SMYD4: variants seen among roughly 807,000 people sequenced by gnomAD.
SMYD4 encodes the protein protein-lysine N-methyltransferase SMYD4.
SMYD4 carries 68 observed loss-of-function variants against 72.8 expected under a neutral mutation model. That is an observed-to-expected ratio of 0.93 (90% CI 0.77 to 1.14). The LOEUF is 1.14. Among genes scored for constraint, SMYD4 ranks in the 50% most tolerant of loss-of-function variants. SMYD4 has a pLI of 0.00. For synonymous variants in SMYD4, 407 were observed against 388.6 expected (o/e 1.05, Z -0.56); for missense variants, 984 against 1,003.7 (o/e 0.98, Z 0.27).
intron 2 of SMYD4, chr17:1,814,908 A>G (rs981270936): frequency 7.9e-5 from 12 of 152,210 alleles, no homozygotes; most frequent in African/African-American, 2.9e-4. Flanking sequence ...GCAATACCCT[A>G]TGCCTGTCTG....
chr17:1,827,887 G>C lies in SMYD4; in HGVS notation c.108C>G (p.Ile36Met). 6.2e-7 allele frequency: 1 copy of C among 1,609,458 alleles called. No homozygotes were observed. The highest frequency in any genetic ancestry group is 8.5e-7 in the Non-Finnish European group (1 of 1,176,056). ...GAAGAAGTGAAGAGGAGTGAAGAAAGATATCCCTCAAGGTCTCTGCTGTAG... is the reference window on the plus strand; with the variant it reads ...GAAGAAGTGAAGAGGAGTGAAGAAACATATCCCTCAAGGTCTCTGCTGTAG... ...TISTAETLRD[I>M]FLHSSSLLQP... is the part of the protein sequence containing the mutation. The change falls in exon 2 of 11, where the codon ATC becomes ATG. Residue 36 changes from isoleucine to methionine, a missense_variant. Ile to Met is a conservative substitution (Grantham distance 10). Coordinates refer to ENST00000305513, the MANE Select transcript of SMYD4 (RefSeq NM_052928.3).
chr17:1,800,293 T>A lies in SMYD4; in HGVS notation c.1101A>T (p.Ile367=), dbSNP rs762568867. 7 of 1,614,150 alleles carry A rather than the reference T, an allele frequency of 4.3e-6. No individual in the cohort carries two copies. Among genetic ancestry groups the A allele is most frequent in the Non-Finnish European group, 5.9e-6 (7 of 1,180,032 alleles). Residue 367 remains isoleucine (I), a synonymous_variant, in exon 5 of 11, where the codon ATA becomes ATT. Coordinates refer to ENST00000305513, the MANE Select transcript of SMYD4 (RefSeq NM_052928.3). ...LVGFEDVRKI[I]TKLCDKISNK... is the part of the protein sequence containing the mutation. ...TACTAATCTTATCACAAAGCTTCGT[T>A]ATGATTTTGCGAACATCCTCAAATC...
In SMYD4 at chr17:1,800,632, G is replaced by A. The variant is rs745481620; in HGVS notation, c.762C>T (p.Leu254=). The change falls in exon 5 of 11, where the codon CTC becomes CTT. Residue 254 remains leucine (L), a synonymous_variant. Transcript: ENST00000305513. ...GRCLVATKDI[L]PGELLVQEDA... is the part of the protein sequence containing the mutation. Reference sequence around the variant, plus strand: ...CCTCCTGCACCAGGAGCTCTCCTGGGAGAATATCTTTTGTGGCAACGAGAC... The same window carrying A: ...CCTCCTGCACCAGGAGCTCTCCTGGAAGAATATCTTTTGTGGCAACGAGAC... 2 of 1,614,174 alleles carry A rather than the reference G, an allele frequency of 1.2e-6. No individual in the cohort carries two copies. Among genetic ancestry groups the A allele is most frequent in the South Asian group, 1.1e-5 (1 of 91,080 alleles).
At chr17:1,794,628 GACTC>G (rs1054730264) in intron 5 of SMYD4, among the ~76,000 whole-genome samples, 12 of 151,660 alleles carry the variant, frequency 7.9e-5, no homozygotes, top group African/African-American at 2.9e-4. Context: ...ATTTGAAAAA[GACTC>G]TAATCCTTTT....
chr17:1,780,516 C>CT lies in SMYD4; in HGVS notation c.*769dup, dbSNP rs1908305890. 3.3e-5 allele frequency: 5 copies of CT among 152,316 alleles called. No homozygotes were observed. Among genetic ancestry groups the CT allele is most frequent in the African/African-American group, 1.2e-4 (5 of 41,560 alleles). The allele number at this position is 152,316 out of a possible 1,614,324, so 9.4% of individuals were successfully genotyped here. On this transcript the variant is annotated 3_prime_UTR_variant, in exon 11 of 11. Coordinates refer to ENST00000305513, the MANE Select transcript of SMYD4 (RefSeq NM_052928.3). ...ACAGGTGTGAGCCTCTACACTGGGC[C>CT]TGCAGAACCTACACAGAATCCGCAC...
At position 1,783,045 on chromosome 17, in the gene SMYD4, A is replaced by C. The variant is rs1908450295; in HGVS notation, c.2251T>G (p.Phe751Val). The C allele has an allele frequency of 6.2e-7, 1 of 1,613,858 alleles. No individual in the cohort carries two copies. The highest frequency in any genetic ancestry group is 1.1e-5 in the South Asian group (1 of 91,064). ...GGGAAAGGGACTCACCCGTTGAAAAAGATCTGGGCCAATTTGAAGAGCTCA... is the reference window on the plus strand; with the variant it reads ...GGGAAAGGGACTCACCCGTTGAAAACGATCTGGGCCAATTTGAAGAGCTCA... ...GHELFKLAQI[F>V]FNGFAVPEAL... The change falls in exon 10 of 11, where the codon TTT becomes GTT. Residue 751 changes from phenylalanine (F) to valine (V), a missense_variant. Phe to Val is a conservative substitution (Grantham distance 50). Coordinates refer to ENST00000305513, the MANE Select transcript of SMYD4 (RefSeq NM_052928.3).
At chr17:1,808,707 T>C (rs1406751207) in intron 3 of SMYD4, among the ~76,000 whole-genome samples, 1 of 152,224 alleles carries the variant, frequency 6.6e-6, no homozygotes, top group Non-Finnish European at 1.5e-5. Context: ...GGCTTCAGTT[T>C]TTATTTTCCC....
In SMYD4 at chr17:1,813,489, C is replaced by T. The variant is rs558564765; in HGVS notation, c.135-1374G>A. Among the ~76,000 whole-genome samples the T allele has an allele frequency of 1.7e-3, 264 of 152,228 alleles. 1 individual carries two copies. The highest frequency in any genetic ancestry group is 2.8e-3 in the Non-Finnish European group (193 of 68,026). On this transcript the variant is annotated intron_variant, in intron 2 of 10. Transcript: ENST00000305513. ...CTGTAGTGCAGCACTGGCACGATCT[C>T]GGCTCACTGCAACCTCCGCCTCCTG... is the stretch of plus-strand genomic sequence containing the variant.
intron 2 of SMYD4, among the ~76,000 whole-genome samples, chr17:1,817,804 T>C (rs1456893479): frequency 3.9e-5 from 6 of 152,004 alleles, no homozygotes; most frequent in Non-Finnish European, 7.4e-5. Context: ...CCCCAGAACT[T>C]TGGGAGGCCG....
At chr17:1,786,107 G>C (rs1264510762) in intron 7 of SMYD4, among the ~76,000 whole-genome samples, 2 of 152,180 alleles carry the variant, frequency 1.3e-5, no homozygotes, top group Non-Finnish European at 2.9e-5. Context: ...CCAAATGGCT[G>C]GAGGAAAACT....
In SMYD4 at chr17:1,787,540, A is replaced by G. The variant is rs759727132; in HGVS notation, c.1602T>C (p.Val534=). The change falls in exon 6 of 11, where the codon GTT becomes GTC. Residue 534 remains valine, a synonymous_variant. Transcript: ENST00000305513. ...QVRLATGIFP[V]ISLLNHSCSP... is the part of the protein sequence containing the mutation. ...TACAGGAGTGGTTCAGGAGGCTGATAACAGGGAAGATGCCTGTGGCAAGGC... is the reference window on the plus strand; with the variant it reads ...TACAGGAGTGGTTCAGGAGGCTGATGACAGGGAAGATGCCTGTGGCAAGGC... The G allele has an allele frequency of 2.5e-6, 4 of 1,594,816 alleles. No individual in the cohort carries two copies. The highest frequency in any genetic ancestry group is 3.5e-5 in the Admixed American group (2 of 57,006).
At chr17:1,825,511 CTTTT>C (rs58470302) in intron 2 of SMYD4, among the ~76,000 whole-genome samples, 2 of 107,824 alleles carry the variant, frequency 1.9e-5, no homozygotes, top group African/African-American at 3.4e-5. Flanking sequence ...CATTTTCTTT[CTTTT>C]TTTTTTTTTT....
intron 7 of SMYD4, among the ~76,000 whole-genome samples, chr17:1,785,835 G>A (rs1311613031): frequency 6.6e-6 from 1 of 151,730 alleles, no homozygotes; most frequent in Non-Finnish European, 1.5e-5. Flanking sequence ...ATTTGACCTT[G>A]GGTCTCCAAG....
chr17:1,828,102 G>A (rs1253812065), intron 1 of SMYD4, 96 bp from the exon 2 acceptor site: 9 of 1,286,976 alleles, frequency 7.0e-6, no homozygotes, highest in Non-Finnish European at 8.7e-6. Context: ...TGTAATCCCA[G>A]CACTTTGGGA....
intron 3 of SMYD4, among the ~76,000 whole-genome samples, chr17:1,808,836 T>C (rs1459921562): frequency 1.3e-5 from 2 of 152,224 alleles, no homozygotes; most frequent in East Asian, 1.9e-4. Context: ...TTACACCTAA[T>C]GGACTTTAAT....
Position 1,800,123 on chromosome 17 carries a change from G to C in SMYD4, c.1271C>G (p.Ala424Gly), listed in dbSNP as rs1473306048. 1.2e-6 allele frequency: 2 copies of C among 1,611,038 alleles called. No homozygotes were observed. Among genetic ancestry groups the C allele is most frequent in the African/African-American group, 2.7e-5 (2 of 74,734 alleles). The part of the protein sequence containing the change: ...INGKYENNYN[A>G]VFNLLPHTEN... ...AGTGTGGGGCAAAAGGTTGAAGACA[G>C]CATTATAATTATTTTCATACTTCCC... is the stretch of plus-strand genomic sequence containing the variant. The change falls in exon 5 of 11, where the codon GCT (alanine) becomes GGT (glycine). Residue 424 changes from alanine to glycine, a missense_variant. Transcript: ENST00000305513.
chr17:1,798,976 G>T (rs980612030), intron 5 of SMYD4, among the ~76,000 whole-genome samples: 1 of 150,754 alleles, frequency 6.6e-6, no homozygotes, highest in Non-Finnish European at 1.5e-5. Context: ...AATTTCAAAA[G>T]AATTTTTACA....
intron 7 of SMYD4, among the ~76,000 whole-genome samples, chr17:1,785,240 G>A (rs1453958003): frequency 1.4e-5 from 2 of 145,428 alleles, no homozygotes; most frequent in Admixed American, 1.4e-4. Flanking sequence ...TGGCTAACAC[G>A]GTGAAACCCC....
At chr17:1,810,243 T>C (rs934951612) in intron 3 of SMYD4, among the ~76,000 whole-genome samples, 3 of 151,802 alleles carry the variant, frequency 2.0e-5, no homozygotes, top group African/African-American at 7.3e-5. Context: ...GGAAGGAATA[T>C]GGAAATAGAA....
Sources: gnomAD v4.1 joint callset for allele counts (sites outside exome capture counted in the v4.1 genomes callset) on GRCh38, gnomAD v4.1.1 for gene constraint, MANE v1.5 for transcripts, NCBI Gene and HGNC (gene_info 2026-07-23, HGNC 2026-07-21) for gene names.